IFNLR1: variants seen among roughly 807,000 people sequenced by gnomAD.
IFNLR1 encodes the protein interferon lambda receptor 1.
IFNLR1 carries 28 observed loss-of-function variants against 52.5 expected under a neutral mutation model. The ratio of observed to expected loss-of-function variants is 0.53; its 90% CI spans 0.40 to 0.73. The LOEUF is 0.73. Among genes scored for constraint, IFNLR1 ranks in the 30% least tolerant of loss-of-function variants. The pLI is 0.00. For synonymous variants in IFNLR1, 276 were observed against 274.9 expected (o/e 1.00, Z -0.04); for missense variants, 623 against 659.1 (o/e 0.95, Z 0.60).
At chr1:24,162,766 TTCTTTCTTTCTTTTTC>T (rs1644463218) in intron 3 of IFNLR1, among the ~76,000 whole-genome samples, 1 of 23,240 alleles carries the variant, frequency 4.3e-5, no homozygotes, top group Non-Finnish European at 8.5e-5. Context: ...CTTTCTTTCT[TTCTTTCTTTCTTTTTC>T]TTTCTTTTTC....
At position 24,155,594 on chromosome 1, in the gene IFNLR1, C is replaced by A. The variant is rs747360634; in HGVS notation, c.*1536G>T. 6.6e-5 allele frequency: 10 copies of A among 152,292 alleles called. No individual in the cohort carries two copies. The highest frequency in any genetic ancestry group is 6.5e-4 in the Admixed American group (10 of 15,286). 9.4% of individuals were successfully genotyped at this position (152,292 alleles called of 1,614,324 possible). A position where few individuals can be genotyped will look rare whatever the true frequency, so the allele number is the denominator to read the frequency against. ...CCCATGGCGCCCCCTGCAACTGCAGCCCAAGGCCTCTGGGGGACATGGTTT... is the reference window on the plus strand; with the variant it reads ...CCCATGGCGCCCCCTGCAACTGCAGACCAAGGCCTCTGGGGGACATGGTTT... On this transcript the variant is annotated 3_prime_UTR_variant, in exon 7 of 7. Transcript: ENST00000327535.
intron 4 of IFNLR1, 125 bp downstream of exon 4, chr1:24,161,417 C>T: frequency 9.5e-7 from 1 of 1,057,920 alleles, no homozygotes; most frequent in Middle Eastern, 2.1e-4. Flanking sequence ...TGCCAGAAGT[C>T]AGGAGTGTAC....
chr1:24,160,849 T>A (rs1557642492), intron 4 of IFNLR1, among the ~76,000 whole-genome samples: 1 of 151,728 alleles, frequency 6.6e-6, no homozygotes, highest in Non-Finnish European at 1.5e-5. Flanking sequence ...TGCCTCAGCA[T>A]CCCAAGCAGC....
At chr1:24,166,449 CCCTT>C (rs1426460430) in intron 3 of IFNLR1, among the ~76,000 whole-genome samples, 2 of 152,094 alleles carry the variant, frequency 1.3e-5, no homozygotes, top group Non-Finnish European at 2.9e-5. Context: ...TTCGCTCCAG[CCCTT>C]CCTTCCCTGC....
At chr1:24,181,080 A>G (rs922524395) in intron 1 of IFNLR1, among the ~76,000 whole-genome samples, 1 of 152,134 alleles carries the variant, frequency 6.6e-6, no homozygotes, top group Non-Finnish European at 1.5e-5. Context: ...GCAGAACACC[A>G]TGGAACAGGA....
At chr1:24,177,848 T>C (rs752491000) in intron 2 of IFNLR1, among the ~76,000 whole-genome samples, 2 of 152,196 alleles carry the variant, frequency 1.3e-5, no homozygotes, top group Admixed American at 6.5e-5. Context: ...AGTTCTATCA[T>C]GTCCCCTGTC....
At chr1:24,171,983 T>A (rs983111021) in intron 2 of IFNLR1, among the ~76,000 whole-genome samples, 1 of 151,902 alleles carries the variant, frequency 6.6e-6, no homozygotes, top group African/African-American at 2.4e-5. Flanking sequence ...AAAAAAATAT[T>A]CTGTAGAGAG....
chr1:24,160,581 G>C (rs1644431892), intron 4 of IFNLR1, among the ~76,000 whole-genome samples: 1 of 152,140 alleles, frequency 6.6e-6, no homozygotes, highest in African/African-American at 2.4e-5. Context: ...TTGAAGGCAG[G>C]AACCACGCTG....
At chr1:24,180,097 G>C (rs1644673514) in intron 2 of IFNLR1, among the ~76,000 whole-genome samples, 1 of 152,154 alleles carries the variant, frequency 6.6e-6, no homozygotes, top group Admixed American at 6.5e-5. Context: ...AGGAGTTCGA[G>C]ACCAGCGTGG....
At chr1:24,174,649 C>G (rs1441102380) in intron 2 of IFNLR1, among the ~76,000 whole-genome samples, 4 of 152,072 alleles carry the variant, frequency 2.6e-5, no homozygotes, top group African/African-American at 9.6e-5. Context: ...CTAGCCATCT[C>G]AAAAATGATA....
At chr1:24,167,269 C>T (rs531722910) in intron 3 of IFNLR1, among the ~76,000 whole-genome samples, 1 of 152,364 alleles carries the variant, frequency 6.6e-6, no homozygotes, top group South Asian at 2.1e-4. Context: ...GGCCTTCAGA[C>T]TCAGACAGAA....
chr1:24,177,745 T>C (rs886703845), intron 2 of IFNLR1, among the ~76,000 whole-genome samples: 1 of 152,104 alleles, frequency 6.6e-6, no homozygotes, highest in Middle Eastern at 3.2e-3. Flanking sequence ...ATATTGACCA[T>C]CACAAACCCT....
intron 4 of IFNLR1, 96 bp from the exon 5 acceptor site, chr1:24,159,729 T>TTGTTTTTTTTGTTTTTTA: frequency 1.0e-6 from 1 of 971,184 alleles, no homozygotes; most frequent in Non-Finnish European, 1.4e-6. Context: ...GTAGGGTGTT[T>TTGTTTTTTTTGTTTTTTA]TTTTTTTGTT....
intron 2 of IFNLR1, among the ~76,000 whole-genome samples, chr1:24,171,663 CT>C (rs557134606): frequency 2.8e-4 from 41 of 144,388 alleles, no homozygotes; most frequent in Admixed American, 3.5e-4. Context: ...ATTTTCTTTT[CT>C]TTTTTTTTTT....
At chr1:24,169,332 C>A in intron 3 of IFNLR1, 85 bp downstream of exon 3, 1 of 1,291,826 alleles carries the variant, frequency 7.7e-7, no homozygotes, top group Admixed American at 2.2e-5. Context: ...GACAGATGGT[C>A]AGGAGAACAG....
At chr1:24,180,928 G>A in intron 1 of IFNLR1, 74 bp from the exon 2 acceptor site, 5 of 1,511,286 alleles carry the variant, frequency 3.3e-6, no homozygotes, top group Non-Finnish European at 4.5e-6. Context: ...AAGCTGAGGG[G>A]CAGCACGAAG....
intron 4 of IFNLR1, 114 bp from the exon 5 acceptor site, chr1:24,159,747 T>TTTTTGTTTTTTTTTG: frequency 1.0e-6 from 1 of 954,732 alleles, no homozygotes. Context: ...GTTTTTTTTT[T>TTTTTGTTTTTTTTTG]TTGTTTTTTT....
At chr1:24,178,497 T>C (rs1008282066) in intron 2 of IFNLR1, among the ~76,000 whole-genome samples, 1 of 152,060 alleles carries the variant, frequency 6.6e-6, no homozygotes, top group South Asian at 2.1e-4. Flanking sequence ...CTTGTCGTAA[T>C]GGACAGCTGG....
chr1:24,182,135 G>C (rs1644696528), intron 1 of IFNLR1, among the ~76,000 whole-genome samples: 1 of 152,076 alleles, frequency 6.6e-6, no homozygotes, highest in Non-Finnish European at 1.5e-5. Flanking sequence ...AGGAGGACGA[G>C]GTTGCAGTGA....
Sources: allele counts gnomAD v4.1 joint callset (sites outside exome capture counted in the v4.1 genomes callset), GRCh38; gene constraint gnomAD v4.1.1; transcripts MANE v1.5; gene names NCBI Gene and HGNC (gene_info 2026-07-23, HGNC 2026-07-21).